The following PLEKHA8 variants were observed in gnomAD, a reference collection of about 807,000 sequenced individuals.
PLEKHA8 encodes the protein pleckstrin homology domain containing A8, also known as pleckstrin homology domain-containing family A member 8.
Under a neutral mutation model 68.2 loss-of-function variants are expected in PLEKHA8, and 36 were observed. The observed-to-expected ratio is 0.53, with a 90% confidence interval of 0.40 to 0.70. The LOEUF (loss-of-function observed/expected upper bound fraction) is 0.70, where lower values mean the gene tolerates loss of function less well. Ranked by LOEUF, PLEKHA8 falls within the 30% of genes least tolerant of loss-of-function variation. The probability of loss-of-function intolerance (pLI) is 0.00; values close to 1 mark genes in which losing one functional copy is unlikely to be tolerated. For synonymous variants in PLEKHA8, 211 were observed against 216.1 expected, an observed-to-expected ratio of 0.98 and a Z score of 0.20; for missense variants, 505 against 615.4, an observed-to-expected ratio of 0.82 and a Z score of 1.90.
At chr7:30,052,955 T>C (rs767067984) in intron 7 of PLEKHA8, 89 bp downstream of exon 7, 8 of 1,104,848 alleles carry the variant, frequency 7.2e-6, no homozygotes, top group Non-Finnish European at 8.9e-6. Flanking sequence ...GGGATTAACC[T>C]CAAGACCATG....
intron 13 of PLEKHA8, among the ~76,000 whole-genome samples, chr7:30,076,790 A>C (rs1383335795): frequency 6.6e-6 from 1 of 152,166 alleles, no homozygotes; most frequent in African/African-American, 2.4e-5. Context: ...AGTCATGCCT[A>C]CTTTGGAAGG....
intron 2 of PLEKHA8, among the ~76,000 whole-genome samples, chr7:30,045,842 A>G (rs1260808632): frequency 6.6e-6 from 1 of 152,212 alleles, no homozygotes; most frequent in Non-Finnish European, 1.5e-5. Flanking sequence ...GAGATAAAAA[A>G]CATACCCTTG....
At chr7:30,129,239 G>C (rs750476499) in intron 13 of PLEKHA8, 300 of 1,612,738 alleles carry the variant, frequency 1.9e-4, no homozygotes, top group Non-Finnish European at 2.4e-4. Flanking sequence ...GTGTTCCTCT[G>C]TCCTTCCCTC....
intron 1 of PLEKHA8, among the ~76,000 whole-genome samples, chr7:30,040,874 G>C (rs73305149): frequency 1.3e-3 from 205 of 152,270 alleles, no homozygotes; most frequent in African/African-American, 4.8e-3. Context: ...CATTGCATCT[G>C]TAATAGAGGA....
Position 30,064,897 on chromosome 7 carries a change from A to G in PLEKHA8, c.1300+2155A>G, listed in dbSNP as rs62446706. On this transcript the variant is annotated intron_variant, in intron 12 of 13. Transcript: ENST00000449726. Reference sequence around the variant, plus strand: ...TTGTTAGGGCTGTCTATGGAAGGGGAGTAGGACAATGCTGATCCCATTTAG... The same window carrying G: ...TTGTTAGGGCTGTCTATGGAAGGGGGGTAGGACAATGCTGATCCCATTTAG... Among the ~76,000 whole-genome samples, 442 of 152,220 alleles carry G rather than the reference A, an allele frequency of 2.9e-3. 6 individuals are homozygous for G. The highest frequency in any genetic ancestry group is 5.7e-3 in the Admixed American group (87 of 15,282).
At chr7:30,070,473 GA>G (rs1188497701) in intron 12 of PLEKHA8, among the ~76,000 whole-genome samples, 1 of 151,548 alleles carries the variant, frequency 6.6e-6, no homozygotes, top group East Asian at 1.9e-4. Context: ...AGGCTTTTTT[GA>G]ACGGTTAACT....
downstream of PLEKHA8, among the ~76,000 whole-genome samples, chr7:30,093,366 G>C (rs1795488607): frequency 6.6e-6 from 1 of 152,334 alleles, no homozygotes; most frequent in East Asian, 1.9e-4. Context: ...GTGAGAAGAG[G>C]AAATGTTGCT....
intron 13 of PLEKHA8, among the ~76,000 whole-genome samples, chr7:30,100,322 G>A (rs934574446): frequency 6.6e-6 from 1 of 152,168 alleles, no homozygotes; most frequent in Admixed American, 6.5e-5. Context: ...AGGCCAAGGA[G>A]GGTGGATCAC....
intron 6 of PLEKHA8, chr7:30,050,700 G>GGCCACCACCAA: frequency 2.3e-6 from 1 of 427,216 alleles, no homozygotes; most frequent in Non-Finnish European, 3.9e-6. Flanking sequence ...TCCCTAAGAT[G>GGCCACCACCAA]GATCTCACCC....
chr7:30,103,427 G>T (rs1428305310), intron 13 of PLEKHA8, among the ~76,000 whole-genome samples: 1 of 152,166 alleles, frequency 6.6e-6, no homozygotes, highest in Non-Finnish European at 1.5e-5. Flanking sequence ...GTAGAAATTG[G>T]TGTGCTAATC....
intron 13 of PLEKHA8, among the ~76,000 whole-genome samples, chr7:30,102,855 C>G (rs762435571): frequency 6.6e-6 from 1 of 152,230 alleles, no homozygotes; most frequent in Non-Finnish European, 1.5e-5. Context: ...GAGTTCCAGA[C>G]CAGTCAGGGC....
intron 13 of PLEKHA8, among the ~76,000 whole-genome samples, chr7:30,125,098 G>A (rs1796752075): frequency 6.6e-6 from 1 of 151,766 alleles, no homozygotes; most frequent in African/African-American, 2.4e-5. Context: ...ATATCTTTTG[G>A]ATTTTCCAGT....
chr7:30,109,455 G>C (rs1254261865), intron 13 of PLEKHA8, among the ~76,000 whole-genome samples: 1 of 151,722 alleles, frequency 6.6e-6, no homozygotes, highest in Non-Finnish European at 1.5e-5. Flanking sequence ...GGGCGTGGTG[G>C]TGGATGCCTG....
chr7:30,082,993 T>A lies in PLEKHA8; in HGVS notation c.*4206T>A, dbSNP rs571317707. The A allele has an allele frequency of 1.7e-4, 163 of 985,398 alleles. No homozygotes were observed. In the South Asian group the frequency reaches 4.8e-3, roughly 29 times the overall value. The allele number at this position is 985,398 out of a possible 1,614,324, so 61.0% of individuals were successfully genotyped here. On this transcript the variant is annotated 3_prime_UTR_variant, in exon 14 of 14. Transcript: ENST00000449726. ...TGCTTCTGATTTTAGTCACAGGTTT[T>A]ACAAGTATTCAGCTCTCCCTCATGT...
At chr7:30,107,805 A>G (rs778693024) in intron 13 of PLEKHA8, among the ~76,000 whole-genome samples, 7 of 152,188 alleles carry the variant, frequency 4.6e-5, no homozygotes, top group Non-Finnish European at 7.4e-5. Context: ...ATGGTGGCTC[A>G]TGCCTGTAAT....
At chr7:30,114,609 G>A (rs1796369850) in intron 13 of PLEKHA8, among the ~76,000 whole-genome samples, 1 of 152,066 alleles carries the variant, frequency 6.6e-6, no homozygotes, top group Admixed American at 6.5e-5. Flanking sequence ...GTATCTTTTA[G>A]TGCTATTTAT....
chr7:30,062,872 A>G (rs1793549860), intron 12 of PLEKHA8, 130 bp downstream of exon 12: 1 of 653,772 alleles, frequency 1.5e-6, no homozygotes, highest in Non-Finnish European at 2.5e-6. Context: ...TTATTTCATT[A>G]TTATTCATTG....
chr7:30,086,365 C>T (rs949031604), downstream of PLEKHA8, among the ~76,000 whole-genome samples: 1 of 152,204 alleles, frequency 6.6e-6, no homozygotes, highest in African/African-American at 2.4e-5. Context: ...AGCTATCTAC[C>T]TCTGGCCTCT....
intron 1 of PLEKHA8, among the ~76,000 whole-genome samples, chr7:30,039,429 C>T (rs775920942): frequency 2.0e-5 from 3 of 152,126 alleles, no homozygotes; most frequent in Non-Finnish European, 2.9e-5. Flanking sequence ...GCAGGAGAAT[C>T]GCTTGAACTC....
Sources: gnomAD v4.1 joint callset for allele counts (sites outside exome capture counted in the v4.1 genomes callset) on GRCh38, gnomAD v4.1.1 for gene constraint, MANE v1.5 for transcripts, NCBI Gene and HGNC (gene_info 2026-07-23, HGNC 2026-07-21) for gene names.